EYS: variants seen among roughly 807,000 people sequenced by gnomAD.
The protein encoded by EYS is EGF-like photoreceptor maintenance factor.
In EYS, 250 loss-of-function variants were observed where a neutral mutation model predicts 282.1. The ratio of observed to expected loss-of-function variants is 0.89; its 90% CI spans 0.80 to 0.98. EYS has a LOEUF of 0.98. EYS is among the 50% of genes least tolerant of loss of function. EYS has a pLI of 0.00. For missense variants in EYS, 4,016 were observed against 3,709.0 expected, an observed-to-expected ratio of 1.08 and a Z score of -2.15; for synonymous variants, 1,355 against 1,282.9, an observed-to-expected ratio of 1.06 and a Z score of -1.20.
At chr6:65,414,122 C>A (rs1401117363) in intron 5 of EYS, among the ~76,000 whole-genome samples, 1 of 151,984 alleles carries the variant, frequency 6.6e-6, no homozygotes, top group Non-Finnish European at 1.5e-5. Flanking sequence ...AAATAAAGAG[C>A]ATATCAACAG....
At chr6:63,783,136 CA>C (rs1770278153) in intron 39 of EYS, among the ~76,000 whole-genome samples, 1 of 152,144 alleles carries the variant, frequency 6.6e-6, no homozygotes, top group Admixed American at 6.5e-5. Flanking sequence ...CTCTCATTTA[CA>C]GGGTTGTTAA....
At chr6:64,820,591 A>C (rs1047766773) in intron 21 of EYS, among the ~76,000 whole-genome samples, 2 of 152,176 alleles carry the variant, frequency 1.3e-5, no homozygotes, top group African/African-American at 4.8e-5. Flanking sequence ...TATGCTTTTT[A>C]AAACTGTGTG....
chr6:64,872,094 T>C lies in EYS; in HGVS notation c.2992+14603A>G, dbSNP rs60425252. The stretch of plus-strand genomic sequence containing the variant: ...TATGGTGGTAGCAAATTCAAATTTA[T>C]ATAGTAGCCAGGTAAATAGCCTAAA... On this transcript the variant is annotated intron_variant, in intron 19 of 42. Transcript: ENST00000503581. Among the ~76,000 whole-genome samples, 17 of 152,118 alleles carry C rather than the reference T, an allele frequency of 1.1e-4. No homozygotes were observed. The East Asian group carries it at 3.3e-3, about 29-fold the overall frequency.
chr6:64,701,151 C>G (rs144748862), intron 22 of EYS, among the ~76,000 whole-genome samples: 27 of 151,960 alleles, frequency 1.8e-4, no homozygotes, highest in Non-Finnish European at 2.7e-4. Context: ...ATGGTGCTGG[C>G]CGAACTGGAT....
intron 22 of EYS, among the ~76,000 whole-genome samples, chr6:64,773,830 T>C (rs919891128): frequency 4.0e-4 from 60 of 151,848 alleles, no homozygotes; most frequent in African/African-American, 1.2e-3. Context: ...GTTGTTTGTT[T>C]TTTGCTTGCA....
At chr6:63,957,088 C>T (rs1000658656) in intron 35 of EYS, among the ~76,000 whole-genome samples, 6 of 152,104 alleles carry the variant, frequency 3.9e-5, no homozygotes, top group African/African-American at 1.2e-4. Flanking sequence ...GAACTCATAG[C>T]CAATAGCATT....
intron 31 of EYS, among the ~76,000 whole-genome samples, chr6:64,170,024 CTT>C (rs756261172): frequency 5.3e-5 from 8 of 152,128 alleles, no homozygotes; most frequent in Non-Finnish European, 1.0e-4. Flanking sequence ...TTTGGGTTGT[CTT>C]TGAAGTATGG....
intron 33 of EYS, among the ~76,000 whole-genome samples, chr6:64,016,778 T>C (rs2149815466): frequency 6.6e-6 from 1 of 152,268 alleles, no homozygotes; most frequent in South Asian, 2.1e-4. Flanking sequence ...GCTTGGCCTC[T>C]TTTTGATTTC....
At position 64,195,365 on chromosome 6, in the gene EYS, C is replaced by T. The variant is rs763952968; in HGVS notation, c.6424+35227G>A. The stretch of plus-strand genomic sequence containing the variant: ...TCACCCAGGCTGGTGTGCAGAGGCA[C>T]GATCTCAGGTCACTGCCACCTCCAC... On this transcript the variant is annotated intron_variant, in intron 31 of 42. Transcript: ENST00000503581. Among the ~76,000 whole-genome samples, 4 of 152,244 alleles carry T rather than the reference C, an allele frequency of 2.6e-5. No homozygotes were observed. In the South Asian group the frequency reaches 6.2e-4, roughly 24 times the overall value.
chr6:65,432,487 G>C (rs572983497), intron 5 of EYS, among the ~76,000 whole-genome samples: 2 of 152,244 alleles, frequency 1.3e-5, no homozygotes, highest in East Asian at 3.9e-4. Context: ...GGGTTGCTCA[G>C]GTATGGGTAT....
intron 22 of EYS, among the ~76,000 whole-genome samples, chr6:64,796,858 C>T (rs1237221560): frequency 6.6e-6 from 1 of 152,088 alleles, no homozygotes; most frequent in Non-Finnish European, 1.5e-5. Context: ...AAACATATTA[C>T]TGAAGTTCAA....
At chr6:64,390,066 G>C (rs1051897430) in intron 28 of EYS, among the ~76,000 whole-genome samples, 3 of 151,808 alleles carry the variant, frequency 2.0e-5, no homozygotes, top group Non-Finnish European at 4.4e-5. Context: ...CTTTTCCAAC[G>C]GGCTTAAAAA....
intron 24 of EYS, among the ~76,000 whole-genome samples, chr6:64,604,127 T>G (rs2149839829): frequency 6.6e-6 from 1 of 152,108 alleles, no homozygotes; most frequent in Middle Eastern, 3.4e-3. Flanking sequence ...TGGTTTAGAA[T>G]AATTCATCTA....
At chr6:65,199,223 T>C (rs955418250) in intron 12 of EYS, among the ~76,000 whole-genome samples, 7 of 152,150 alleles carry the variant, frequency 4.6e-5, no homozygotes, top group Non-Finnish European at 7.4e-5. Context: ...GCATATAATA[T>C]AAATATTTGT....
At chr6:65,038,550 A>G (rs188550217) in intron 13 of EYS, among the ~76,000 whole-genome samples, 39 of 151,548 alleles carry the variant, frequency 2.6e-4, no homozygotes, top group African/African-American at 8.4e-4. Context: ...ATGCTTGTAA[A>G]TGACTTTTTA....
At chr6:65,120,151 CAAA>C (rs1170415166) in intron 12 of EYS, among the ~76,000 whole-genome samples, 1 of 62,576 alleles carries the variant, frequency 1.6e-5, no homozygotes, top group Admixed American at 2.0e-4. Context: ...GACTCCGTCT[CAAA>C]AAAAAAAAAA....
intron 12 of EYS, among the ~76,000 whole-genome samples, chr6:65,128,479 T>C (rs568477305): frequency 6.6e-6 from 1 of 152,104 alleles, no homozygotes; most frequent in Non-Finnish European, 1.5e-5. Flanking sequence ...TTCAGTAAAG[T>C]TTCACAGTAC....
chr6:65,510,189 A>C (rs1031960965), intron 2 of EYS, among the ~76,000 whole-genome samples: 2,281 of 100,078 alleles, frequency 0.023, 44 homozygotes, highest in Non-Finnish European at 0.032. Flanking sequence ...ACCCCACAAC[A>C]GTCCCCAGAG....
intron 26 of EYS, among the ~76,000 whole-genome samples, chr6:64,494,589 G>A (rs1183789234): frequency 2.0e-5 from 3 of 151,684 alleles, no homozygotes; most frequent in African/African-American, 7.3e-5. Flanking sequence ...GAGTGAGTGA[G>A]TAAATGCACA....
Sources: allele counts gnomAD v4.1 joint callset (sites outside exome capture counted in the v4.1 genomes callset), GRCh38; gene constraint gnomAD v4.1.1; transcripts MANE v1.5; gene names NCBI Gene and HGNC (gene_info 2026-07-23, HGNC 2026-07-21).